The following BPIFB3 variants were observed in gnomAD, a reference collection of about 807,000 sequenced individuals.
BPIFB3 encodes the protein BPI fold-containing family B member 3.
Under a neutral mutation model 53.1 loss-of-function variants are expected in BPIFB3, and 49 were observed. The ratio of observed to expected loss-of-function variants is 0.92; its 90% CI spans 0.73 to 1.17. The LOEUF is 1.17. Ranked by LOEUF, BPIFB3 falls within the 50% of genes most tolerant of loss-of-function variation. The pLI is 0.00. For missense variants in BPIFB3, 628 were observed against 592.5 expected (o/e 1.06, Z -0.62); for synonymous variants, 271 against 269.6 (o/e 1.01, Z -0.05).
chr20:33,056,521 C>A, intron 1 of BPIFB3, 21 bp from the exon 3 acceptor site: 1 of 1,613,306 alleles, frequency 6.2e-7, no homozygotes, highest in Non-Finnish European at 8.5e-7. Flanking sequence ...TAGTACCTTC[C>A]TACTTCCACT....
chr20:33,061,748 A>T lies in BPIFB3; in HGVS notation c.528-20A>T, dbSNP rs763622691. 2 of 1,613,440 alleles carry T rather than the reference A, an allele frequency of 1.2e-6. No individual in the cohort carries two copies. The highest frequency in any genetic ancestry group is 2.7e-5 in the African/African-American group (2 of 74,868). ...CCGTCCACCTGGCAGCCGCACCCAC[A>T]TGTGTCTCCCTCTGCTCAGGCTGCT... On this transcript the variant is annotated intron_variant, in intron 4 of 14. Coordinates refer to ENST00000375494, the Ensembl canonical transcript of BPIFB3.
chr20:33,063,479 T>G, intron 5 of BPIFB3, 136 bp from the exon 7 acceptor site: 1 of 890,798 alleles, frequency 1.1e-6, no homozygotes, highest in Non-Finnish European at 1.8e-6. Context: ...CTGTGTGTCT[T>G]CTGTCTGTCT....
At chr20:33,073,489 A>G in intron 14 of BPIFB3, 87 bp from the exon 16 acceptor site, 1 of 1,468,332 alleles carries the variant, frequency 6.8e-7, no homozygotes, top group Non-Finnish European at 9.4e-7. Context: ...TACAGGGCCA[A>G]TCCCAGGGCA....
At chr20:33,071,054 C>T (rs1247060272) in intron 11 of BPIFB3, among the ~76,000 whole-genome samples, 199 bp from the exon 13 acceptor site, 1 of 152,106 alleles carries the variant, frequency 6.6e-6, no homozygotes, top group Non-Finnish European at 1.5e-5. Flanking sequence ...GTCATGATGC[C>T]TCAGAAGGGA....
intron 5 of BPIFB3, 27 bp downstream of exon 6, chr20:33,061,858 T>C (rs1292897270): frequency 1.9e-6 from 3 of 1,612,624 alleles, no homozygotes; most frequent in Non-Finnish European, 2.5e-6. Context: ...TGTGCCAGCA[T>C]GCCCTCTCCC....
intron 2 of BPIFB3, 21 bp downstream of exon 3, chr20:33,056,719 G>A (rs1253654809): frequency 6.5e-7 from 1 of 1,542,380 alleles, no homozygotes; most frequent in Non-Finnish European, 8.7e-7. Flanking sequence ...CCTGCTGCAT[G>A]CCCTACAGGA....
chr20:33,072,728 G>A (rs1247047051), exon 14 of BPIFB3: 3 of 1,613,280 alleles, frequency 1.9e-6, no homozygotes, highest in Non-Finnish European at 2.5e-6. Context: ...GGCCCTGGAT[G>A]TTGGAATTCC....
intron 2 of BPIFB3, among the ~76,000 whole-genome samples, chr20:33,057,197 CT>C (rs145254822): frequency 6.6e-6 from 1 of 151,040 alleles, no homozygotes; most frequent in Non-Finnish European, 1.5e-5. Flanking sequence ...TTTTTTTTCC[CT>C]TTTTTTTTGA....
intron 5 of BPIFB3, among the ~76,000 whole-genome samples, chr20:33,063,208 G>A (rs996078093): frequency 5.9e-5 from 9 of 152,198 alleles, no homozygotes; most frequent in African/African-American, 2.2e-4. Context: ...CCCTCTGTGG[G>A]GTCTTGATCC....
intron 10 of BPIFB3, among the ~76,000 whole-genome samples, chr20:33,069,483 T>C (rs988852101): frequency 9.9e-5 from 15 of 152,186 alleles, no homozygotes; most frequent in Admixed American, 3.9e-4. Context: ...TACTCAGGTC[T>C]ACCAGGTCCT....
intron 1 of BPIFB3, 107 bp from the exon 3 acceptor site, chr20:33,056,435 A>G (rs2146378843): frequency 2.1e-6 from 3 of 1,420,094 alleles, no homozygotes; most frequent in Non-Finnish European, 2.9e-6. Flanking sequence ...GGTTAATTCC[A>G]TTTTTAAAAA....
At chr20:33,072,241 A>T (rs1289093537) in intron 13 of BPIFB3, 74 bp downstream of exon 14, 1 of 1,459,310 alleles carries the variant, frequency 6.9e-7, no homozygotes, top group South Asian at 1.1e-5. Flanking sequence ...GCCTCTCTTT[A>T]TGGTTCTGAT....
intron 2 of BPIFB3, 65 bp from the exon 4 acceptor site, chr20:33,059,313 C>A: frequency 7.7e-7 from 1 of 1,294,564 alleles, no homozygotes; most frequent in African/African-American, 1.5e-5. Context: ...CCAAGAGCCA[C>A]TCTGGGCGCC....
In BPIFB3 at chr20:33,059,916, G is replaced by T. The variant is rs138957506; in HGVS notation, c.412G>T (p.Ala138Ser). Residue 138 changes from alanine (A) to serine (S), a missense_variant, in exon 4 of 15, where the codon GCT (alanine) becomes TCT (serine). By Grantham distance (99) the Ala-to-Ser change is moderately conservative (BLOSUM62 1). Transcript: ENST00000375494. The stretch of plus-strand genomic sequence containing the variant: ...CCCCCTTGGTGGCCTTCTGCAGCTG[G>T]CTGCGGAGGTGAACGTGACATCGCG... 22 of 1,614,020 alleles carry T rather than the reference G, an allele frequency of 1.4e-5. No homozygotes were observed. Among genetic ancestry groups the T allele is most frequent in the Non-Finnish European group, 1.8e-5 (21 of 1,179,984 alleles).
intron 8 of BPIFB3, among the ~76,000 whole-genome samples, 193 bp from the exon 10 acceptor site, chr20:33,066,631 C>T (rs911443388): frequency 1.3e-5 from 2 of 152,212 alleles, no homozygotes; most frequent in African/African-American, 4.8e-5. Context: ...TGCAGAGCCC[C>T]TAGCATCTGT....
intron 10 of BPIFB3, among the ~76,000 whole-genome samples, chr20:33,069,529 G>A (rs1980800349): frequency 6.6e-6 from 1 of 152,074 alleles, no homozygotes; most frequent in Non-Finnish European, 1.5e-5. Context: ...TCCACCACCT[G>A]GAGTACCATT....
At chr20:33,068,918 A>G (rs1310454621) in exon 10 of BPIFB3, 16 of 1,613,876 alleles carry the variant, frequency 9.9e-6, no homozygotes, top group African/African-American at 1.3e-5. Flanking sequence ...GCCAACATCC[A>G]TGTGCTGTTC....
chr20:33,055,654 C>T (rs1980168833), intron 1 of BPIFB3, 107 bp downstream of exon 2: 5 of 1,510,454 alleles, frequency 3.3e-6, no homozygotes, highest in African/African-American at 1.4e-5. Context: ...GGTTGTGATT[C>T]TCAGCTGCTT....
In BPIFB3 at chr20:33,063,681, T is replaced by A. The variant is rs368182627; in HGVS notation, c.652+6T>A. 3.1e-6 allele frequency: 5 copies of A among 1,613,316 alleles called. No homozygotes were observed. The highest frequency in any genetic ancestry group is 4.2e-6 in the Non-Finnish European group (5 of 1,179,698). On this transcript the variant is annotated splice_donor_region_variant and intron_variant, in intron 6 of 14. Transcript: ENST00000375494. ...GCTCCTGGGGGCTGTGCTGGGTAAG[T>A]CAGGGCTCAATGCCCTCCTCTTTGC... is the stretch of plus-strand genomic sequence containing the variant.
Sources: allele counts gnomAD v4.1 joint callset (sites outside exome capture counted in the v4.1 genomes callset), GRCh38; gene constraint gnomAD v4.1.1; transcripts MANE v1.5; gene names NCBI Gene and HGNC (gene_info 2026-07-23, HGNC 2026-07-21).